The following NPAS3 variants were observed in gnomAD, a reference collection of about 807,000 sequenced individuals.
NPAS3 encodes neuronal PAS domain protein 3.
NPAS3 carries 14 observed loss-of-function variants against 73.1 expected under a neutral mutation model. That is an observed-to-expected ratio of 0.19 (90% CI 0.13 to 0.30). The LOEUF is 0.30. NPAS3 is among the 10% of genes least tolerant of loss of function. The probability of loss-of-function intolerance (pLI) is 1.00; values close to 1 mark genes in which losing one functional copy is unlikely to be tolerated. For missense variants in NPAS3, 1,096 were observed against 1,250.0 expected (o/e 0.88, Z 1.86); for synonymous variants, 620 against 541.5 (o/e 1.14, Z -2.01).
intron 5 of NPAS3, among the ~76,000 whole-genome samples, chr14:33,572,269 G>A (rs1383352656): frequency 6.6e-6 from 1 of 151,944 alleles, no homozygotes; most frequent in Non-Finnish European, 1.5e-5. Flanking sequence ...CATATTTATA[G>A]CCTCCTAATT....
intron 3 of NPAS3, among the ~76,000 whole-genome samples, chr14:33,275,887 C>G (rs1475269254): frequency 2.0e-5 from 3 of 152,042 alleles, no homozygotes; most frequent in African/African-American, 7.2e-5. Context: ...ATATGTGAGT[C>G]CTTAGATATG....
intron 2 of NPAS3, among the ~76,000 whole-genome samples, chr14:33,183,710 C>A (rs1408528214): frequency 6.6e-6 from 1 of 151,996 alleles, no homozygotes; most frequent in African/African-American, 2.4e-5. Context: ...AAAGTCATAT[C>A]TCTCCATTGC....
intron 4 of NPAS3, among the ~76,000 whole-genome samples, chr14:33,559,356 C>T (rs1043696274): frequency 2.6e-5 from 4 of 152,134 alleles, no homozygotes; most frequent in Admixed American, 1.3e-4. Context: ...GGCATAATTC[C>T]TTATTAATTA....
At chr14:33,507,015 G>GAA (rs113116550) in intron 4 of NPAS3, among the ~76,000 whole-genome samples, 13 of 148,892 alleles carry the variant, frequency 8.7e-5, no homozygotes, top group South Asian at 2.1e-4. Context: ...ACTCAGATTG[G>GAA]AAAAAAAAAA....
intron 3 of NPAS3, among the ~76,000 whole-genome samples, chr14:33,353,787 C>T (rs888003676): frequency 3.3e-5 from 5 of 152,116 alleles, no homozygotes; most frequent in African/African-American, 1.2e-4. Flanking sequence ...GCAGGACTAG[C>T]AGAATGGAGA....
chr14:33,302,470 G>A (rs897535397), intron 3 of NPAS3, among the ~76,000 whole-genome samples: 3 of 152,236 alleles, frequency 2.0e-5, no homozygotes, highest in Non-Finnish European at 2.9e-5. Flanking sequence ...GGTAAAAAAC[G>A]GTGAGATCCA....
At chr14:32,955,431 T>TAAGATGCTCATG (rs527992480) in intron 1 of NPAS3, among the ~76,000 whole-genome samples, 578 of 152,242 alleles carry the variant, frequency 3.8e-3, no homozygotes, top group Middle Eastern at 0.01. Flanking sequence ...CATCAAGCTC[T>TAAGATGCTCATG]AAGATGCTCA....
chr14:33,535,322 T>C lies in NPAS3; in HGVS notation c.469-24799T>C, dbSNP rs1035098807. Reference sequence around the variant, plus strand: ...AGGCGCAAAATGTATTTGACTAGACTAGTATGAAGTTTAGTATAAGAAACA... The same window carrying C: ...AGGCGCAAAATGTATTTGACTAGACCAGTATGAAGTTTAGTATAAGAAACA... On this transcript the variant is annotated intron_variant, in intron 4 of 11. Coordinates refer to ENST00000356141, the Ensembl canonical transcript of NPAS3. Among the ~76,000 whole-genome samples the C allele has an allele frequency of 1.3e-5, 2 of 152,172 alleles. 1 individual carries two copies. The highest frequency in any genetic ancestry group is 1.3e-4 in the Admixed American group (2 of 15,262).
At position 33,448,473 on chromosome 14, in the gene NPAS3, T is replaced by G. The variant is rs537543360; in HGVS notation, c.468+81205T>G. Reference sequence around the variant, plus strand: ...GGAAGGGTCGCTGAGGGCAAAGTGGTGCTGAGGGCCCATCTAGGTGTTGAT... The same window carrying G: ...GGAAGGGTCGCTGAGGGCAAAGTGGGGCTGAGGGCCCATCTAGGTGTTGAT... On this transcript the variant is annotated intron_variant, in intron 4 of 11. Coordinates refer to ENST00000356141, the Ensembl canonical transcript of NPAS3. Among the ~76,000 whole-genome samples, 113 of 152,302 alleles carry G rather than the reference T, an allele frequency of 7.4e-4. 1 individual carries two copies. The highest frequency in any genetic ancestry group is 1.5e-3 in the Admixed American group (23 of 15,288).
chr14:33,648,693 G>A (rs1394583157), intron 5 of NPAS3, among the ~76,000 whole-genome samples: 3 of 152,140 alleles, frequency 2.0e-5, no homozygotes, highest in South Asian at 4.1e-4. Context: ...CAGGCTCAGA[G>A]GGCAGTGATG....
intron 4 of NPAS3, among the ~76,000 whole-genome samples, chr14:33,532,539 G>T (rs1423831124): frequency 6.6e-6 from 1 of 151,982 alleles, no homozygotes; most frequent in Non-Finnish European, 1.5e-5. Context: ...CAGATGATTT[G>T]TCCAAGCTCA....
chr14:33,018,390 T>C (rs942943576), intron 1 of NPAS3, among the ~76,000 whole-genome samples: 1 of 152,200 alleles, frequency 6.6e-6, no homozygotes, highest in African/African-American at 2.4e-5. Context: ...GGATGGTCTT[T>C]TCAGGATGAT....
chr14:33,351,496 A>G (rs1323298058), intron 3 of NPAS3, among the ~76,000 whole-genome samples: 3 of 152,246 alleles, frequency 2.0e-5, no homozygotes, highest in Non-Finnish European at 4.4e-5. Context: ...AAGCTTCCCA[A>G]TGCCTACCAT....
intron 1 of NPAS3, among the ~76,000 whole-genome samples, chr14:33,019,962 G>A (rs963680768): frequency 4.6e-5 from 7 of 152,060 alleles, no homozygotes; most frequent in South Asian, 2.1e-4. Flanking sequence ...TTTTCCATCC[G>A]ATTACAAACC....
chr14:33,694,190 C>T (rs1372142129), intron 6 of NPAS3, among the ~76,000 whole-genome samples: 1 of 152,092 alleles, frequency 6.6e-6, no homozygotes, highest in East Asian at 1.9e-4. Context: ...CCCCTCGCCC[C>T]TTGTGGAGTT....
intron 10 of NPAS3, 123 bp from the exon 11 acceptor site, chr14:33,797,334 T>A (rs2138660778): frequency 2.8e-6 from 3 of 1,053,042 alleles, no homozygotes; most frequent in Non-Finnish European, 2.8e-6. Context: ...AATGATTTCA[T>A]GTTTAGTCTT....
intron 2 of NPAS3, among the ~76,000 whole-genome samples, chr14:33,075,429 A>G (rs1398304439): frequency 6.6e-6 from 1 of 152,162 alleles, no homozygotes; most frequent in African/African-American, 2.4e-5. Flanking sequence ...GTACCATTAA[A>G]GTTCTTCATG....
chr14:33,535,958 GT>G (rs1162426989), intron 4 of NPAS3, among the ~76,000 whole-genome samples: 2 of 152,142 alleles, frequency 1.3e-5, no homozygotes, highest in Non-Finnish European at 2.9e-5. Context: ...GAGGCCACTG[GT>G]TAGCATCAGG....
chr14:33,417,839 A>G (rs1378620314), intron 4 of NPAS3, among the ~76,000 whole-genome samples: 1 of 152,048 alleles, frequency 6.6e-6, no homozygotes, highest in African/African-American at 2.4e-5. Context: ...CTCTATTCTT[A>G]TATCTGGTAA....
Sources: gnomAD v4.1 joint callset for allele counts (sites outside exome capture counted in the v4.1 genomes callset) on GRCh38, gnomAD v4.1.1 for gene constraint, MANE v1.5 for transcripts, NCBI Gene and HGNC (gene_info 2026-07-23, HGNC 2026-07-21) for gene names.